The following SLC30A8 variants were observed in gnomAD, a reference collection of about 807,000 sequenced individuals.
SLC30A8 encodes proton-coupled zinc antiporter SLC30A8.
A neutral mutation model predicts 36.9 loss-of-function variants in SLC30A8; 27 were observed. The ratio of observed to expected loss-of-function variants is 0.73; its 90% confidence interval spans 0.54 to 1.01. The LOEUF is 1.01. Ranked by LOEUF, SLC30A8 falls within the 50% of genes least tolerant of loss-of-function variation. The pLI is 0.00. For missense variants in SLC30A8, 439 were observed against 452.0 expected, an observed-to-expected ratio of 0.97 and a Z score of 0.26; for synonymous variants, 164 against 172.4, an observed-to-expected ratio of 0.95 and a Z score of 0.38.
At chr8:117,156,163 C>T (rs1319287943) in intron 3 of SLC30A8, among the ~76,000 whole-genome samples, 1 of 152,106 alleles carries the variant, frequency 6.6e-6, no homozygotes, top group African/African-American at 2.4e-5. Context: ...CCTCAACGTC[C>T]TGAGTAGCTG....
intron 2 of SLC30A8, among the ~76,000 whole-genome samples, chr8:117,125,559 T>C (rs575120439): frequency 2.6e-5 from 4 of 152,110 alleles, no homozygotes; most frequent in African/African-American, 9.6e-5. Flanking sequence ...TCTCTTGAGG[T>C]TGGAAAATCA....
Position 117,156,295 on chromosome 8 carries a change from A to G in SLC30A8, c.419-1396A>G, listed in dbSNP as rs1822483979. Among the ~76,000 whole-genome samples the G allele has an allele frequency of 3.3e-5, 5 of 152,162 alleles. No homozygotes were observed. The South Asian group carries it at 1.0e-3, about 32-fold the overall frequency. ...TGACCTCAGGCAATCCGCTTGCTTCAGCCTCACAAAGTGCTGGGATTACAG... is the reference window on the plus strand; with the variant it reads ...TGACCTCAGGCAATCCGCTTGCTTCGGCCTCACAAAGTGCTGGGATTACAG... On this transcript the variant is annotated intron_variant, in intron 3 of 7. Transcript: ENST00000456015.
In SLC30A8 at chr8:117,094,087, G is replaced by A. The variant is rs188054803; in HGVS notation, c.-225-41193G>A. On this transcript the variant is annotated intron_variant, in intron 2 of 10. Coordinates refer to the SLC30A8 transcript ENST00000427715. Reference sequence around the variant, plus strand: ...GCCAAGAACTGCAGAGCCCCAAAGAGGGTGTCACAGCCCTGACTAAGGGAG... The same window carrying A: ...GCCAAGAACTGCAGAGCCCCAAAGAAGGTGTCACAGCCCTGACTAAGGGAG... Among the ~76,000 whole-genome samples, 275 of 152,362 alleles carry A rather than the reference G, an allele frequency of 1.8e-3. 1 individual carries two copies. The highest frequency in any genetic ancestry group is 6.3e-3 in the African/African-American group (263 of 41,584).
chr8:117,097,395 TC>T (rs1284659610), intron 2 of SLC30A8, among the ~76,000 whole-genome samples: 2 of 21,978 alleles, frequency 9.1e-5, no homozygotes, highest in Non-Finnish European at 6.8e-5. Context: ...AGACTCCATC[TC>T]AAAAAAAAAA....
intron 1 of SLC30A8, among the ~76,000 whole-genome samples, chr8:116,954,452 C>T (rs927533212): frequency 6.6e-6 from 1 of 151,784 alleles, no homozygotes; most frequent in Non-Finnish European, 1.5e-5. Context: ...CCTACAAAGA[C>T]GTCTGAAAAG....
chr8:117,166,369 A>G (rs1339672697), intron 6 of SLC30A8, among the ~76,000 whole-genome samples: 1 of 152,202 alleles, frequency 6.6e-6, no homozygotes, highest in African/African-American at 2.4e-5. Context: ...GTCGTTAACA[A>G]ATGATATTAT....
At chr8:117,016,540 C>T in intron 1 of SLC30A8, among the ~76,000 whole-genome samples, 1 of 152,210 alleles carries the variant, frequency 6.6e-6, no homozygotes, top group East Asian at 1.9e-4. Flanking sequence ...TGCACGCTAA[C>T]AGCTGCTAGT....
intron 2 of SLC30A8, among the ~76,000 whole-genome samples, chr8:117,123,658 AC>A (rs1237462501): frequency 2.5e-4 from 38 of 152,068 alleles, no homozygotes; most frequent in African/African-American, 8.4e-4. Flanking sequence ...TAATTCACCT[AC>A]AATAAAGTTC....
At chr8:117,096,003 C>G (rs184397402) in intron 2 of SLC30A8, among the ~76,000 whole-genome samples, 2 of 152,164 alleles carry the variant, frequency 1.3e-5, no homozygotes, top group African/African-American at 4.8e-5. Context: ...GTTGAGAGAG[C>G]AACAGCCTCA....
At chr8:117,168,809 A>T (rs1823201485) in intron 6 of SLC30A8, among the ~76,000 whole-genome samples, 1 of 152,136 alleles carries the variant, frequency 6.6e-6, no homozygotes. Flanking sequence ...TTTGCGTAAC[A>T]CTTTATACTC....
chr8:117,008,533 G>T (rs1000852628), intron 1 of SLC30A8, among the ~76,000 whole-genome samples: 1 of 152,174 alleles, frequency 6.6e-6, no homozygotes, highest in Non-Finnish European at 1.5e-5. Flanking sequence ...CTGTCTGAGG[G>T]TGGGCTGTAG....
intron 1 of SLC30A8, among the ~76,000 whole-genome samples, chr8:117,030,490 T>C (rs1456279377): frequency 6.6e-6 from 1 of 152,200 alleles, no homozygotes; most frequent in Non-Finnish European, 1.5e-5. Flanking sequence ...TTTGAGTGAA[T>C]CTAAGGCATG....
intron 1 of SLC30A8, among the ~76,000 whole-genome samples, chr8:116,970,031 T>C (rs913258073): frequency 1.2e-4 from 19 of 152,128 alleles, no homozygotes; most frequent in Admixed American, 5.2e-4. Context: ...AAATTTTTTA[T>C]ACTTTTAGTC....
rs67272812 is a variant in SLC30A8 at position 117,018,663 on chromosome 8, GCC to G, written c.-265-20545_-265-20544del. ...GCGGCCTGTGGGCCAAATCTGACTA[GCC>G]CCCCCCCCCCTTTTTTTTTTTGATG... is the stretch of plus-strand genomic sequence containing the variant. On this transcript the variant is annotated intron_variant, in intron 1 of 10. Coordinates refer to the SLC30A8 transcript ENST00000427715. Among the ~76,000 whole-genome samples the G allele has an allele frequency of 2.6e-3, 268 of 102,350 alleles. 2 individuals are homozygous for G. The highest frequency in any genetic ancestry group is 0.019 in the East Asian group (52 of 2,734). 67.1% of individuals were successfully genotyped at this position (102,350 alleles called of 152,430 possible). A position where few individuals can be genotyped will look rare whatever the true frequency, so the allele number is the denominator to read the frequency against.
chr8:117,012,825 A>G (rs1331858459), intron 1 of SLC30A8, among the ~76,000 whole-genome samples: 1 of 151,680 alleles, frequency 6.6e-6, no homozygotes, highest in Non-Finnish European at 1.5e-5. Flanking sequence ...ATAATCTTAT[A>G]ATACTCTAGA....
In SLC30A8 at chr8:117,172,632, C is replaced by T. The variant is rs1467735700; in HGVS notation, c.1061C>T (p.Pro354Leu). ...TCACTCACCATTCAGATGGAATCTC[C>T]AGTTGACCAGGACCCCGACTGCCTT... ...MHSLTIQMES[P>L]VDQDPDCLFC... The change falls in exon 8 of 8, where the codon CCA becomes CTA. Residue 354 changes from proline to leucine, a missense_variant. Coordinates refer to ENST00000456015, the MANE Select transcript of SLC30A8 (RefSeq NM_173851.3). The T allele has an allele frequency of 1.2e-6, 2 of 1,613,618 alleles. No homozygotes were observed. The highest frequency in any genetic ancestry group is 8.5e-7 in the Non-Finnish European group (1 of 1,179,718).
intron 2 of SLC30A8, among the ~76,000 whole-genome samples, chr8:117,086,159 G>A (rs1261145001): frequency 2.0e-5 from 3 of 152,136 alleles, no homozygotes; most frequent in East Asian, 1.9e-4. Flanking sequence ...ATTGACTGAC[G>A]ACTACAGAAC....
At chr8:117,160,403 T>TTGTGTGTGTG (rs71569723) in intron 4 of SLC30A8, among the ~76,000 whole-genome samples, 366 of 145,908 alleles carry the variant, frequency 2.5e-3, no homozygotes, top group Non-Finnish European at 3.6e-3. Flanking sequence ...AATTTTCCAC[T>TTGTGTGTGTG]TGTGTGTGTG....
chr8:117,167,063 T>C (rs1473055261), intron 6 of SLC30A8, among the ~76,000 whole-genome samples: 2 of 152,156 alleles, frequency 1.3e-5, no homozygotes, highest in Non-Finnish European at 2.9e-5. Flanking sequence ...TGCCGAATGC[T>C]GAGCTGCAGC....
Sources: gnomAD v4.1 joint callset for allele counts (sites outside exome capture counted in the v4.1 genomes callset) on GRCh38, gnomAD v4.1.1 for gene constraint, MANE v1.5 for transcripts, NCBI Gene and HGNC (gene_info 2026-07-23, HGNC 2026-07-21) for gene names.